SLC22A25: variants seen among roughly 807,000 people sequenced by gnomAD.
SLC22A25 encodes solute carrier family 22 member 25, also known as MGI:2442751, MGI:2385316, MGI:3042283, MGI:3645714, MGI:3605624, MGI:2442750.
Under a neutral mutation model 45.9 loss-of-function variants are expected in SLC22A25, and 44 were observed. The ratio of observed to expected loss-of-function variants is 0.96; its 90% confidence interval spans 0.75 to 1.23. The LOEUF (loss-of-function observed/expected upper bound fraction) is 1.23, where lower values mean the gene tolerates loss of function less well. SLC22A25 is among the 50% of genes most tolerant of loss of function. The pLI is 0.00. For missense variants in SLC22A25, 800 were observed against 666.4 expected (o/e 1.20, Z -2.21); for synonymous variants, 283 against 238.6 (o/e 1.19, Z -1.72).
chr11:63,228,545 G>C lies in SLC22A25; in HGVS notation c.422C>G (p.Ser141Cys), dbSNP rs1388807560. The change falls in exon 5 of 12, where the codon TCT (serine) becomes TGT (cysteine). Residue 141 changes from serine to cysteine, a missense_variant. Coordinates refer to ENST00000306494, the MANE Select transcript of SLC22A25 (RefSeq NM_199352.6). ...TTTAGCTACTGAATTCAGTGGTTGA[G>C]ATTCGCATACCAGATCCCACTGGAA... ...IVTKWDLVCE[S>C]QPLNSVAKFL... The C allele has an allele frequency of 6.2e-7, 1 of 1,613,554 alleles. No individual in the cohort carries two copies. Among genetic ancestry groups the C allele is most frequent in the Non-Finnish European group, 8.5e-7 (1 of 1,179,786 alleles).
chr11:63,221,378 A>G (rs1453205498), intron 5 of SLC22A25, among the ~76,000 whole-genome samples: 2 of 152,022 alleles, frequency 1.3e-5, no homozygotes, highest in African/African-American at 2.4e-5. Context: ...CTGATGACCA[A>G]TGATGTTGAG....
At chr11:63,221,780 T>G (rs1232250217) in intron 5 of SLC22A25, among the ~76,000 whole-genome samples, 1 of 152,202 alleles carries the variant, frequency 6.6e-6, no homozygotes, top group Non-Finnish European at 1.5e-5. Context: ...ATTTAAATTT[T>G]TAATTCATTT....
intron 7 of SLC22A25, among the ~76,000 whole-genome samples, chr11:63,193,065 A>C (rs1403736557): frequency 6.6e-6 from 1 of 152,202 alleles, no homozygotes; most frequent in African/African-American, 2.4e-5. Context: ...ATATTCTAAA[A>C]TCAATCACTT....
chr11:63,203,492 T>G (rs138916079), intron 7 of SLC22A25, among the ~76,000 whole-genome samples: 1 of 151,588 alleles, frequency 6.6e-6, no homozygotes. Context: ...AAACACAGCA[T>G]GAGAACTTCA....
At chr11:63,190,420 A>C (rs192048199) in intron 7 of SLC22A25, among the ~76,000 whole-genome samples, 2 of 151,190 alleles carry the variant, frequency 1.3e-5, no homozygotes, top group South Asian at 4.3e-4. Flanking sequence ...ACTTCTCTGC[A>C]TTGGTTATTC....
chr11:63,192,201 G>T (rs1378014899), intron 7 of SLC22A25, among the ~76,000 whole-genome samples: 1 of 152,086 alleles, frequency 6.6e-6, no homozygotes, highest in South Asian at 2.1e-4. Flanking sequence ...CTTAAGAGAA[G>T]AAATTCTAAT....
rs188271798 is a variant in SLC22A25 at position 63,187,429 on chromosome 11, C to G, written c.831-3612G>C. 3.7e-3 allele frequency among the ~76,000 whole-genome samples: 566 copies of G among 152,274 alleles called. 4 individuals carry two copies. Among genetic ancestry groups the G allele is most frequent in the African/African-American group, 0.013 (534 of 41,548 alleles). ...AGACTTTGCTGAAGTTGCTTATCAG[C>G]TTAAGGAGATTTTGGGCTGAGACAA... On this transcript the variant is annotated intron_variant, in intron 7 of 11. Coordinates refer to ENST00000306494, the MANE Select transcript of SLC22A25 (RefSeq NM_199352.6).
chr11:63,215,124 CA>C (rs1206433828), intron 7 of SLC22A25, among the ~76,000 whole-genome samples: 2 of 152,168 alleles, frequency 1.3e-5, no homozygotes. Flanking sequence ...TATAAAGACA[CA>C]TGCACACATA....
intron 7 of SLC22A25, among the ~76,000 whole-genome samples, chr11:63,199,805 C>T (rs531655078): frequency 5.1e-5 from 7 of 137,496 alleles, no homozygotes; most frequent in Non-Finnish European, 9.3e-5. Flanking sequence ...AGGCGACGTC[C>T]GAGAAGATTG....
Position 63,180,719 on chromosome 11 carries a change from A to C in SLC22A25, c.1011T>G (p.Leu337=). 1.2e-6 allele frequency: 2 copies of C among 1,613,292 alleles called. No homozygotes were observed. The highest frequency in any genetic ancestry group is 1.7e-6 in the Non-Finnish European group (2 of 1,179,548). ...ELEAAQKKHS[L]CELLRIPNIC... ...TGTTGGGTATGCGGAGCAATTCACA[A>C]AGAGAATGCTTTTTCTGTGCTGCCT... The change falls in exon 9 of 12, where the codon CTT becomes CTG. Residue 337 remains leucine (L), a synonymous_variant. Transcript: ENST00000306494.
chr11:63,185,086 T>G (rs2088475729), intron 7 of SLC22A25, among the ~76,000 whole-genome samples: 1 of 152,196 alleles, frequency 6.6e-6, no homozygotes, highest in South Asian at 2.1e-4. Context: ...CTGATAAAGC[T>G]GAAAAACACG....
intron 9 of SLC22A25, among the ~76,000 whole-genome samples, chr11:63,180,447 G>A (rs2088277545): frequency 6.6e-6 from 1 of 152,098 alleles, no homozygotes; most frequent in East Asian, 1.9e-4. Context: ...GATGAGCCTG[G>A]TAGAATGATG....
intron 7 of SLC22A25, among the ~76,000 whole-genome samples, chr11:63,214,421 A>G (rs1394097913): frequency 3.9e-5 from 6 of 152,224 alleles, no homozygotes; most frequent in African/African-American, 1.4e-4. Flanking sequence ...AAGAAATTAA[A>G]GAATGTGTAA....
intron 7 of SLC22A25, among the ~76,000 whole-genome samples, chr11:63,195,485 G>A (rs190426882): frequency 4.6e-5 from 7 of 151,974 alleles, no homozygotes; most frequent in Admixed American, 1.3e-4. Flanking sequence ...GAAACTGAAC[G>A]ACCTGCTCCT....
chr11:63,178,966 ATT>A (rs56266035), intron 9 of SLC22A25, among the ~76,000 whole-genome samples: 116 of 147,948 alleles, frequency 7.8e-4, no homozygotes, highest in African/African-American at 2.2e-3. Flanking sequence ...TAAGTCTGTA[ATT>A]TTTTTTTTTT....
chr11:63,200,636 T>A (rs376542693), intron 7 of SLC22A25, among the ~76,000 whole-genome samples: 3 of 152,002 alleles, frequency 2.0e-5, no homozygotes, highest in African/African-American at 7.3e-5. Flanking sequence ...CTATTCAACA[T>A]AGTATTGGAA....
chr11:63,170,409 T>A (rs1020052268), intron 9 of SLC22A25, among the ~76,000 whole-genome samples: 5 of 151,498 alleles, frequency 3.3e-5, no homozygotes, highest in Non-Finnish European at 7.4e-5. Context: ...ACAAAATAAA[T>A]AGACTGCTAG....
chr11:63,191,517 G>T (rs1487709565), intron 7 of SLC22A25, among the ~76,000 whole-genome samples: 2 of 152,130 alleles, frequency 1.3e-5, no homozygotes, highest in African/African-American at 4.8e-5. Context: ...GCCTCACCCT[G>T]CTTCAGCTCA....
At position 63,159,185 on chromosome 11, in the gene SLC22A25, C is replaced by T. The variant is rs1483003006; in HGVS notation, c.*4639G>A. Among the ~76,000 whole-genome samples the T allele has an allele frequency of 1.3e-5, 2 of 152,160 alleles. No individual in the cohort carries two copies. The highest frequency in any genetic ancestry group is 6.5e-5 in the Admixed American group (1 of 15,270). The stretch of plus-strand genomic sequence containing the variant: ...GATGGACACTTAGGTTGCTTCCAAA[C>T]CTTGGCCATTGTGAACAGTTCTGCA... On this transcript the variant is annotated 3_prime_UTR_variant, in exon 12 of 12. Transcript: ENST00000306494.
Sources: allele counts gnomAD v4.1 joint callset (sites outside exome capture counted in the v4.1 genomes callset), GRCh38; gene constraint gnomAD v4.1.1; transcripts MANE v1.5; gene names NCBI Gene and HGNC (gene_info 2026-07-23, HGNC 2026-07-21).